Variants in BPTF observed in about 807,000 individuals in gnomAD.
BPTF encodes nucleosome-remodeling factor subunit BPTF.
In BPTF, 18 loss-of-function variants were observed where a neutral mutation model predicts 292.5. That is an observed-to-expected ratio of 0.06 (90% CI 0.04 to 0.09). The LOEUF is 0.09. Ranked by LOEUF, BPTF falls within the 10% of genes least tolerant of loss-of-function variation. The probability of loss-of-function intolerance (pLI) is 1.00; values close to 1 mark genes in which losing one functional copy is unlikely to be tolerated. For synonymous variants in BPTF, 1,225 were observed against 1,251.9 expected, an observed-to-expected ratio of 0.98 and a Z score of 0.45; for missense variants, 2,726 against 3,498.7, an observed-to-expected ratio of 0.78 and a Z score of 5.57.
intron 1 of BPTF, among the ~76,000 whole-genome samples, chr17:67,848,171 C>CT (rs11367624): frequency 1.0e-3 from 149 of 146,934 alleles, no homozygotes; most frequent in East Asian, 3.0e-3. Flanking sequence ...ACTGTAAATT[C>CT]TTTTTTTTTT....
intron 27 of BPTF, among the ~76,000 whole-genome samples, chr17:67,981,957 T>C (rs2070434208): frequency 6.8e-6 from 1 of 147,058 alleles, no homozygotes; most frequent in African/African-American, 2.5e-5. Flanking sequence ...TCCAGTTGGC[T>C]GAAAATGTTG....
chr17:67,939,911 G>C (rs2065232211), intron 18 of BPTF, among the ~76,000 whole-genome samples: 1 of 152,152 alleles, frequency 6.6e-6, no homozygotes, highest in African/African-American at 2.4e-5. Context: ...TGAGCACTCT[G>C]CCCTAGTATT....
chr17:67,893,789 T>G (rs2061272889), intron 6 of BPTF, 64 bp downstream of exon 6: 1 of 1,367,804 alleles, frequency 7.3e-7, no homozygotes, highest in Non-Finnish European at 1.0e-6. Context: ...ATGATTGTTG[T>G]AGTTGTGCAT....
rs781968045 is a variant in BPTF at position 67,945,990 on chromosome 17, C to T, written c.7282C>T (p.Pro2428Ser). The T allele has an allele frequency of 1.2e-6, 2 of 1,614,194 alleles. No homozygotes were observed. The highest frequency in any genetic ancestry group is 1.3e-5 in the African/African-American group (1 of 75,038). The change falls in exon 21 of 28, where the codon CCA (proline) becomes TCA (serine). Residue 2428 changes from proline (P) to serine (S), a missense_variant. Pro to Ser is a moderately conservative substitution (Grantham distance 74). Coordinates refer to ENST00000306378, the MANE Select transcript of BPTF (RefSeq NM_182641.4). ...CCGTCCTCAGCTACAAATACAGCAGCCACAGCCCCAAGTCATTGCTGTGCC... is the reference window on the plus strand; with the variant it reads ...CCGTCCTCAGCTACAAATACAGCAGTCACAGCCCCAAGTCATTGCTGTGCC... ...PSRPQLQIQQ[P>S]QPQVIAVPQL...
At chr17:67,865,084 G>T (rs1051825710) in intron 2 of BPTF, among the ~76,000 whole-genome samples, 6 of 152,146 alleles carry the variant, frequency 3.9e-5, no homozygotes, top group African/African-American at 1.4e-4. Context: ...GGGATTACAG[G>T]TATGAGCCAC....
intron 4 of BPTF, among the ~76,000 whole-genome samples, chr17:67,878,882 A>G (rs62084249): frequency 0.2 from 30,982 of 152,030 alleles, 3,969 homozygotes; most frequent in East Asian, 0.66. Context: ...ACCTAATCTC[A>G]TGTTCCTGGG....
At chr17:67,906,031 C>G (rs1275311105) in intron 9 of BPTF, among the ~76,000 whole-genome samples, 1 of 152,122 alleles carries the variant, frequency 6.6e-6, no homozygotes, top group Middle Eastern at 3.4e-3. Context: ...CGCACGTACC[C>G]TAGAACTAAA....
chr17:67,961,731 T>C (rs1348312265), intron 24 of BPTF, among the ~76,000 whole-genome samples: 1 of 152,028 alleles, frequency 6.6e-6, no homozygotes, highest in Non-Finnish European at 1.5e-5. Context: ...CCCAACACTT[T>C]GGGAGGCCGA....
intron 7 of BPTF, among the ~76,000 whole-genome samples, chr17:67,894,519 A>G (rs2061322839): frequency 6.6e-6 from 1 of 151,932 alleles, no homozygotes; most frequent in Admixed American, 6.6e-5. Flanking sequence ...TAGTAGAGAC[A>G]TGGTTTCACT....
intron 2 of BPTF, among the ~76,000 whole-genome samples, chr17:67,861,187 T>C (rs1322699545): frequency 2.0e-5 from 3 of 152,222 alleles, no homozygotes; most frequent in Non-Finnish European, 4.4e-5. Flanking sequence ...AACTTTTTCC[T>C]TTATTGTTTG....
chr17:67,884,332 CTGACCTCAGG>C (rs1168873957), intron 4 of BPTF, among the ~76,000 whole-genome samples: 16 of 151,762 alleles, frequency 1.1e-4, no homozygotes, highest in South Asian at 2.1e-4. Context: ...TCTCGAATGC[CTGACCTCAGG>C]TGACCTCAGG....
At position 67,954,482 on chromosome 17, in the gene BPTF, T is replaced by C. The variant is rs114554545; in HGVS notation, c.7927-5059T>C. 5.8e-3 allele frequency among the ~76,000 whole-genome samples: 882 copies of C among 152,240 alleles called. 8 individuals carry two copies. The highest frequency in any genetic ancestry group is 0.021 in the African/African-American group (853 of 41,532). ...CCTTAACTTCCAACAGGGAGCCGGC[T>C]CTTATCACTGCCTCACACACAGCAT... On this transcript the variant is annotated intron_variant, in intron 23 of 27. Transcript: ENST00000306378.
At chr17:67,867,865 T>C (rs1023144731) in intron 3 of BPTF, among the ~76,000 whole-genome samples, 1 of 152,196 alleles carries the variant, frequency 6.6e-6, no homozygotes, top group Non-Finnish European at 1.5e-5. Flanking sequence ...GTCAGGTTTC[T>C]CCACATCCTC....
intron 3 of BPTF, among the ~76,000 whole-genome samples, chr17:67,870,792 C>T (rs1476256173): frequency 2.0e-4 from 17 of 85,816 alleles, no homozygotes; most frequent in African/African-American, 7.7e-4. Flanking sequence ...TTTTTTGAGA[C>T]GGAGTCTCGC....
chr17:67,830,107 A>G (rs559903035), intron 1 of BPTF, among the ~76,000 whole-genome samples: 70 of 152,366 alleles, frequency 4.6e-4, no homozygotes, highest in Middle Eastern at 6.8e-3. Context: ...GACATTGCCA[A>G]TATACTGAGA....
At chr17:67,931,688 G>T (rs1208998042) in intron 17 of BPTF, among the ~76,000 whole-genome samples, 4 of 152,072 alleles carry the variant, frequency 2.6e-5, no homozygotes, top group Admixed American at 2.6e-4. Flanking sequence ...GGTATCAGTG[G>T]CAGGGAATTT....
At position 67,850,587 on chromosome 17, in the gene BPTF, C is replaced by T. The variant is rs577519035; in HGVS notation, c.614-3353C>T. 7.2e-5 allele frequency among the ~76,000 whole-genome samples: 11 copies of T among 152,084 alleles called. No homozygotes were observed. In the East Asian group the frequency reaches 1.2e-3, roughly 16 times the overall value. On this transcript the variant is annotated intron_variant, in intron 1 of 27. Transcript: ENST00000306378. Reference sequence around the variant, plus strand: ...TTTCACCATATTGGCCAGGCTAGTCCGGAACTCCTGACCTCGTGATCTGCC... The same window carrying T: ...TTTCACCATATTGGCCAGGCTAGTCTGGAACTCCTGACCTCGTGATCTGCC...
Position 67,911,444 on chromosome 17 carries a change from A to G in BPTF, c.3560A>G (p.Asn1187Ser), listed in dbSNP as rs779260084. ...TKCPKQNSIE[N>S]DIEEKVSDLA... ...TGTCCGAAACAAAATTCCATTGAAA[A>G]TGACATAGAAGAAAAAGTCTCTGAC... The change falls in exon 11 of 28, where the codon AAT becomes AGT. Residue 1187 changes from asparagine to serine, a missense_variant. By Grantham distance (46) the Asn-to-Ser change is conservative (BLOSUM62 1). This residue lies in a region of BPTF where 713 missense variants were observed against 714.9 expected (regional missense o/e 1.00). Coordinates refer to ENST00000306378, the MANE Select transcript of BPTF (RefSeq NM_182641.4). 6.2e-7 allele frequency: 1 copy of G among 1,614,160 alleles called. No individual in the cohort carries two copies. Among genetic ancestry groups the G allele is most frequent in the Non-Finnish European group, 8.5e-7 (1 of 1,180,016 alleles).
chr17:67,886,165 T>C, intron 4 of BPTF: 4 of 1,612,622 alleles, frequency 2.5e-6, no homozygotes, highest in Non-Finnish European at 3.4e-6. Flanking sequence ...GTAACACTAG[T>C]GCTACCACTA....
Sources: gnomAD v4.1 joint callset for allele counts (sites outside exome capture counted in the v4.1 genomes callset) on GRCh38, gnomAD v4.1.1 for gene constraint, gnomAD v4.1.1 regional missense constraint, MANE v1.5 for transcripts, NCBI Gene and HGNC (gene_info 2026-07-23, HGNC 2026-07-21) for gene names.